GRID2: variants seen among roughly 807,000 people sequenced by gnomAD.
The protein encoded by GRID2 is glutamate receptor ionotropic, delta-2.
A neutral mutation model predicts 114.8 loss-of-function variants in GRID2; 33 were observed. The ratio of observed to expected loss-of-function variants is 0.29; its 90% CI spans 0.22 to 0.38. The LOEUF (loss-of-function observed/expected upper bound fraction) is 0.38, where lower values mean the gene tolerates loss of function less well. Among genes scored for constraint, GRID2 ranks in the 10% least tolerant of loss-of-function variants. GRID2 has a pLI of 1.00. For missense variants in GRID2, 1,184 were observed against 1,257.7 expected (o/e 0.94, Z 0.89); for synonymous variants, 505 against 449.9 (o/e 1.12, Z -1.55).
At chr4:93,150,679 TCTCTGAAA>T (rs929005819) in intron 4 of GRID2, among the ~76,000 whole-genome samples, 3 of 151,902 alleles carry the variant, frequency 2.0e-5, no homozygotes, top group Non-Finnish European at 4.4e-5. Context: ...GTCTGTGTCC[TCTCTGAAA>T]TTTGTGCTCC....
chr4:92,745,278 T>C (rs1474045181), intron 2 of GRID2, among the ~76,000 whole-genome samples: 1 of 152,238 alleles, frequency 6.6e-6, no homozygotes, highest in African/African-American at 2.4e-5. Context: ...AAAAAATTAC[T>C]TACATTGAGA....
intron 2 of GRID2, among the ~76,000 whole-genome samples, chr4:92,974,855 CA>C (rs1235523738): frequency 1.3e-5 from 2 of 151,536 alleles, no homozygotes; most frequent in African/African-American, 2.4e-5. Flanking sequence ...AAACAAACAA[CA>C]AAAAAAGTGT....
intron 14 of GRID2, among the ~76,000 whole-genome samples, chr4:93,707,209 G>A (rs957868867): frequency 6.6e-6 from 1 of 151,960 alleles, no homozygotes; most frequent in African/African-American, 2.4e-5. Context: ...GGGTAATACT[G>A]GTCTCATAGA....
chr4:92,682,267 G>A (rs1229815307), intron 2 of GRID2, among the ~76,000 whole-genome samples: 1 of 152,044 alleles, frequency 6.6e-6, no homozygotes, highest in African/African-American at 2.4e-5. Flanking sequence ...TATTAATAGA[G>A]TCCAAATATT....
chr4:92,481,258 G>C (rs775859897), intron 1 of GRID2, among the ~76,000 whole-genome samples: 18 of 151,918 alleles, frequency 1.2e-4, no homozygotes, highest in Non-Finnish European at 2.5e-4. Context: ...TAATCTTATA[G>C]AGTACCCTTA....
At chr4:92,932,977 G>T (rs1385201476) in intron 2 of GRID2, among the ~76,000 whole-genome samples, 1 of 150,816 alleles carries the variant, frequency 6.6e-6, no homozygotes, top group Non-Finnish European at 1.5e-5. Context: ...GAAATAATGG[G>T]AAAAGTCAGT....
intron 1 of GRID2, among the ~76,000 whole-genome samples, chr4:92,534,485 T>TG (rs1314525591): frequency 6.6e-6 from 1 of 152,142 alleles, no homozygotes; most frequent in African/African-American, 2.4e-5. Flanking sequence ...GGGGACAATT[T>TG]GTGGTAGTCC....
In GRID2 at chr4:93,361,470, T is replaced by G. The variant is rs181031851; in HGVS notation, c.1246-34137T>G. On this transcript the variant is annotated intron_variant, in intron 8 of 15. Transcript: ENST00000282020. ...GGCTCTTTTTAAATGTTACTGTGAT[T>G]ATTATTATTATTATTATTATTATTA... Among the ~76,000 whole-genome samples the G allele has an allele frequency of 6.6e-4, 96 of 145,080 alleles. 1 individual carries two copies. The highest frequency in any genetic ancestry group is 1.8e-3 in the African/African-American group (72 of 38,924).
At chr4:93,752,562 G>T (rs1041114440) in intron 14 of GRID2, among the ~76,000 whole-genome samples, 3 of 152,058 alleles carry the variant, frequency 2.0e-5, no homozygotes, top group Non-Finnish European at 2.9e-5. Flanking sequence ...AGTAGAGACA[G>T]GGTTTCACTG....
chr4:93,572,120 G>A (rs1735983437), intron 13 of GRID2, among the ~76,000 whole-genome samples: 1 of 152,106 alleles, frequency 6.6e-6, no homozygotes, highest in Non-Finnish European at 1.5e-5. Context: ...CTATGAAATG[G>A]AATGTGTTCA....
chr4:92,740,505 C>T (rs1316796488), intron 2 of GRID2, among the ~76,000 whole-genome samples: 1 of 152,152 alleles, frequency 6.6e-6, no homozygotes, highest in Non-Finnish European at 1.5e-5. Flanking sequence ...CTGAGTACAA[C>T]TCAATCCATG....
chr4:93,497,451 T>A (rs1727658845), intron 12 of GRID2, among the ~76,000 whole-genome samples: 1 of 151,866 alleles, frequency 6.6e-6, no homozygotes, highest in Non-Finnish European at 1.5e-5. Flanking sequence ...TCCAAGGTCA[T>A]GAAGATTTTC....
At chr4:92,712,141 C>T (rs573690550) in intron 2 of GRID2, among the ~76,000 whole-genome samples, 1 of 152,066 alleles carries the variant, frequency 6.6e-6, no homozygotes, top group East Asian at 1.9e-4. Flanking sequence ...ATAAGAGTTT[C>T]TCTGAGTAAA....
At chr4:93,798,648 C>A (rs1295730633) in intron 1 of GRID2, among the ~76,000 whole-genome samples, 1 of 152,200 alleles carries the variant, frequency 6.6e-6, no homozygotes, top group African/African-American at 2.4e-5. Context: ...AAATTCATAT[C>A]TAAGAAGCAG....
At chr4:92,706,012 T>G (rs988067379) in intron 2 of GRID2, among the ~76,000 whole-genome samples, 1 of 152,224 alleles carries the variant, frequency 6.6e-6, no homozygotes, top group Non-Finnish European at 1.5e-5. Context: ...TATGATGGTC[T>G]AGACACCTCA....
At chr4:92,457,768 AC>A (rs1307139788) in intron 1 of GRID2, among the ~76,000 whole-genome samples, 1 of 152,138 alleles carries the variant, frequency 6.6e-6, no homozygotes, top group Non-Finnish European at 1.5e-5. Context: ...CGAAAGCATC[AC>A]AAGCAGAGAA....
chr4:92,626,543 T>C (rs1025973765), intron 2 of GRID2, among the ~76,000 whole-genome samples: 19 of 152,040 alleles, frequency 1.2e-4, no homozygotes, highest in African/African-American at 4.3e-4. Flanking sequence ...AAAAATCTCT[T>C]CTGAGAATTT....
chr4:93,473,700 A>T (rs1400621857), intron 11 of GRID2, among the ~76,000 whole-genome samples: 1 of 152,154 alleles, frequency 6.6e-6, no homozygotes, highest in Non-Finnish European at 1.5e-5. Flanking sequence ...GTATAAAATA[A>T]TACCATGTAA....
At chr4:93,443,888 G>A (rs1721853024) in intron 10 of GRID2, among the ~76,000 whole-genome samples, 1 of 151,494 alleles carries the variant, frequency 6.6e-6, no homozygotes, top group African/African-American at 2.4e-5. Flanking sequence ...AGAACAAGCA[G>A]AGCAAGTAAG....
Sources: allele counts gnomAD v4.1 joint callset (sites outside exome capture counted in the v4.1 genomes callset), GRCh38; gene constraint gnomAD v4.1.1; transcripts MANE v1.5; gene names NCBI Gene and HGNC (gene_info 2026-07-23, HGNC 2026-07-21).